Variants in ABCA13 observed in about 807,000 individuals in gnomAD.
ABCA13 encodes the protein ATP-binding cassette sub-family A member 13.
In ABCA13, 476 loss-of-function variants were observed where a neutral mutation model predicts 478.7. The ratio of observed to expected loss-of-function variants is 0.99; its 90% CI spans 0.92 to 1.07. The LOEUF is 1.07. Ranked by LOEUF, ABCA13 falls within the 50% of genes least tolerant of loss-of-function variation. The probability of loss-of-function intolerance (pLI) is 0.00; values close to 1 mark genes in which losing one functional copy is unlikely to be tolerated. For synonymous variants in ABCA13, 2,252 were observed against 2,158.9 expected, an observed-to-expected ratio of 1.04 and a Z score of -1.20; for missense variants, 6,060 against 5,910.6, an observed-to-expected ratio of 1.03 and a Z score of -0.83.
At chr7:48,637,120 A>G (rs1360515649) in intron 59 of ABCA13, among the ~76,000 whole-genome samples, 1 of 152,092 alleles carries the variant, frequency 6.6e-6, no homozygotes, top group Non-Finnish European at 1.5e-5. Context: ...GCAGCAAAAC[A>G]GAATAGAGAG....
chr7:48,413,338 G>A (rs1225562655), intron 41 of ABCA13, among the ~76,000 whole-genome samples: 2 of 152,150 alleles, frequency 1.3e-5, no homozygotes, highest in Non-Finnish European at 2.9e-5. Flanking sequence ...CATCCCCCAG[G>A]TCCCACTTTT....
intron 24 of ABCA13, among the ~76,000 whole-genome samples, chr7:48,310,992 C>T (rs1354374573): frequency 6.6e-6 from 1 of 152,030 alleles, no homozygotes; most frequent in Non-Finnish European, 1.5e-5. Flanking sequence ...TGAATCTTTA[C>T]TTAAGTTTCC....
chr7:48,171,517 C>T lies in ABCA13; in HGVS notation c.34C>T (p.Leu12=), dbSNP rs2128835971. 1 of 1,536,336 alleles carries T rather than the reference C, an allele frequency of 6.5e-7. No individual in the cohort carries two copies. Among genetic ancestry groups the T allele is most frequent in the South Asian group, 1.2e-5 (1 of 84,018 alleles). Residue 12 remains leucine, a synonymous_variant, in exon 1 of 62, where the codon CTG becomes TTG. Coordinates refer to ENST00000435803, the MANE Select transcript of ABCA13 (RefSeq NM_152701.5). ...GHAGCQFKAL[L]WKNWLCRLRN... ...TGCCGGGTGCCAGTTCAAAGCCCTG[C>T]TGTGGAAGAATTGGCTCTGCAGACT...
At chr7:48,361,874 A>G (rs1298228094) in intron 31 of ABCA13, among the ~76,000 whole-genome samples, 1 of 152,094 alleles carries the variant, frequency 6.6e-6, no homozygotes, top group Non-Finnish European at 1.5e-5. Context: ...TACACAGCTT[A>G]CTTGTAATAA....
chr7:48,459,820 G>T (rs888879172), intron 43 of ABCA13, among the ~76,000 whole-genome samples: 10 of 152,126 alleles, frequency 6.6e-5, no homozygotes, highest in African/African-American at 2.2e-4. Flanking sequence ...CAAACAAATG[G>T]AGCATAGAAA....
chr7:48,454,946 T>C, intron 42 of ABCA13, 91 bp from the exon 43 acceptor site: 1 of 1,408,434 alleles, frequency 7.1e-7, no homozygotes, highest in Non-Finnish European at 9.2e-7. Context: ...GGCTGCGAGA[T>C]GCCGCAGGGT....
At chr7:48,227,665 C>T (rs937892388) in intron 6 of ABCA13, among the ~76,000 whole-genome samples, 5 of 152,012 alleles carry the variant, frequency 3.3e-5, no homozygotes, top group African/African-American at 1.2e-4. Context: ...AAGTCAGCGC[C>T]ATATTTTAAT....
Position 48,275,505 on chromosome 7 carries a change from T to G in ABCA13, c.5839T>G (p.Ser1947Ala). 6.2e-7 allele frequency: 1 copy of G among 1,613,880 alleles called. No homozygotes were observed. The highest frequency in any genetic ancestry group is 8.5e-7 in the Non-Finnish European group (1 of 1,179,844). The stretch of plus-strand genomic sequence containing the variant: ...CATCTCTGAACTCTGTCCTAGTGGT[T>G]CCATAAAGCAAGTTGCTTTGCAAAT... ...DSISELCPSGSIKQVALQIIE... is the reference protein window; with the variant it reads ...DSISELCPSGAIKQVALQIIE... Residue 1947 changes from serine (S) to alanine (A), a missense_variant, in exon 17 of 62, where the codon TCC (serine) becomes GCC (alanine). Around this residue, in one of 3 missense-constraint regions of ABCA13, gnomAD observed 4,423 missense variants for 4,309.1 expected, o/e 1.03. Coordinates refer to ENST00000435803, the MANE Select transcript of ABCA13 (RefSeq NM_152701.5).
chr7:48,545,822 T>C (rs1784767854), intron 55 of ABCA13, among the ~76,000 whole-genome samples: 1 of 112,950 alleles, frequency 8.9e-6, no homozygotes, highest in Non-Finnish European at 1.7e-5. Flanking sequence ...TAAAAACAAA[T>C]GATGTACTGC....
chr7:48,234,881 A>G (rs2129001311), intron 8 of ABCA13, among the ~76,000 whole-genome samples: 1 of 152,278 alleles, frequency 6.6e-6, no homozygotes. Context: ...GAATGTTTGG[A>G]GAGGACCCAC....
At chr7:48,411,049 T>TTC (rs1554499830) in intron 40 of ABCA13, among the ~76,000 whole-genome samples, 55 of 64,946 alleles carry the variant, frequency 8.5e-4, no homozygotes, top group East Asian at 1.5e-3. Flanking sequence ...CTTTCTTTCT[T>TTC]TTTCTTTCTT....
chr7:48,441,470 A>G (rs1468985526), intron 42 of ABCA13, among the ~76,000 whole-genome samples: 1 of 152,196 alleles, frequency 6.6e-6, no homozygotes, highest in Non-Finnish European at 1.5e-5. Flanking sequence ...TAGCTCTGAA[A>G]TAACTCACTC....
chr7:48,273,364 A>AT lies in ABCA13; in HGVS notation c.3704dup (p.Leu1235PhefsTer6), dbSNP rs1562933251. The AT allele has an allele frequency of 8.7e-6, 14 of 1,613,644 alleles. No individual in the cohort carries two copies. The highest frequency in any genetic ancestry group is 1.2e-5 in the Non-Finnish European group (14 of 1,179,728). On this transcript the variant is annotated frameshift_variant, in exon 17 of 62. Coordinates refer to ENST00000435803, the MANE Select transcript of ABCA13 (RefSeq NM_152701.5). LOFTEE classifies it high-confidence loss of function. Reference sequence around the variant, plus strand: ...TGGGAGGACTTCCTGGATCTCAGGGATTTTTTGGTAGCTTTAGGTAATGCA... The same window carrying AT: ...TGGGAGGACTTCCTGGATCTCAGGGATTTTTTTGGTAGCTTTAGGTAATGCA...
At chr7:48,378,052 T>A (rs781178830) in intron 35 of ABCA13, among the ~76,000 whole-genome samples, 1 of 152,204 alleles carries the variant, frequency 6.6e-6, no homozygotes, top group East Asian at 1.9e-4. Flanking sequence ...AAAGGAACAT[T>A]GTATTCAGCT....
chr7:48,421,912 C>T (rs755306831), intron 41 of ABCA13, among the ~76,000 whole-genome samples: 61 of 151,932 alleles, frequency 4.0e-4, no homozygotes, highest in Non-Finnish European at 7.4e-4. Context: ...GCTACCTTTT[C>T]CCTTAGTCCT....
At position 48,450,172 on chromosome 7, in the gene ABCA13, G is replaced by C. The variant is rs542530141; in HGVS notation, c.12566-4865G>C. Among the ~76,000 whole-genome samples, 43 of 152,106 alleles carry C rather than the reference G, an allele frequency of 2.8e-4. 1 individual carries two copies. In the South Asian group the frequency reaches 8.3e-3, roughly 29 times the overall value. ...CTCATTTCACAACCTCTCTTGAACT[G>C]GATTTATTTATAAATAAATGAACCT... On this transcript the variant is annotated intron_variant, in intron 42 of 61. Transcript: ENST00000435803.
At chr7:48,233,887 T>C (rs893518935) in intron 7 of ABCA13, 131 bp from the exon 8 acceptor site, 2 of 963,784 alleles carry the variant, frequency 2.1e-6, no homozygotes, top group African/African-American at 3.3e-5. Flanking sequence ...TTCTATCTGA[T>C]GCCCCAGTGG....
At chr7:48,369,926 A>G (rs753525373) in intron 32 of ABCA13, among the ~76,000 whole-genome samples, 9 of 151,894 alleles carry the variant, frequency 5.9e-5, no homozygotes, top group Non-Finnish European at 1.2e-4. Flanking sequence ...AGTTCTGTGA[A>G]GAGTAATGGT....
intron 58 of ABCA13, among the ~76,000 whole-genome samples, chr7:48,597,462 T>G (rs1055404264): frequency 4.6e-5 from 7 of 152,202 alleles, no homozygotes; most frequent in Non-Finnish European, 1.0e-4. Flanking sequence ...CATGTTTTAA[T>G]TTTTTTAGAT....
Sources: gnomAD v4.1 joint callset for allele counts (sites outside exome capture counted in the v4.1 genomes callset) on GRCh38, gnomAD v4.1.1 for gene constraint, gnomAD v4.1.1 regional missense constraint, MANE v1.5 for transcripts, NCBI Gene and HGNC (gene_info 2026-07-23, HGNC 2026-07-21) for gene names.